CD2AP: variants seen among roughly 807,000 people sequenced by gnomAD.
The protein encoded by CD2AP is CD2 associated protein.
CD2AP carries 46 observed loss-of-function variants against 85.1 expected under a neutral mutation model. That is an observed-to-expected ratio of 0.54 (90% confidence interval 0.43 to 0.69). The LOEUF (loss-of-function observed/expected upper bound fraction) is 0.69. CD2AP is among the 30% of genes least tolerant of loss of function. The pLI, the probability that CD2AP is intolerant of heterozygous loss-of-function variation, is 0.00. For missense variants in CD2AP, 769 were observed against 729.5 expected (o/e 1.05, Z -0.62); for synonymous variants, 255 against 252.9 (o/e 1.01, Z -0.08).
At chr6:47,590,511 C>T (rs1016206986) in intron 11 of CD2AP, among the ~76,000 whole-genome samples, 10 of 152,050 alleles carry the variant, frequency 6.6e-5, no homozygotes, top group African/African-American at 2.2e-4. Flanking sequence ...ATGGGGTCCA[C>T]GTATACACAG....
chr6:47,532,271 A>T (rs1766901642), intron 2 of CD2AP, among the ~76,000 whole-genome samples: 1 of 151,252 alleles, frequency 6.6e-6, no homozygotes, highest in South Asian at 2.1e-4. Context: ...CGAGCCCAGA[A>T]GGTGGAGGCT....
chr6:47,569,743 G>A (rs942758237), intron 5 of CD2AP, among the ~76,000 whole-genome samples: 5 of 152,084 alleles, frequency 3.3e-5, no homozygotes, highest in Non-Finnish European at 5.9e-5. Context: ...TGTATACCTC[G>A]TGTGCCAAAG....
chr6:47,508,541 T>G (rs1476761432), intron 2 of CD2AP, among the ~76,000 whole-genome samples: 3 of 144,120 alleles, frequency 2.1e-5, no homozygotes, highest in East Asian at 2.0e-4. Context: ...TTTCTTTTTT[T>G]TTTTGTTTTT....
At chr6:47,615,792 A>AATTAATTAATTAATTT in intron 17 of CD2AP, among the ~76,000 whole-genome samples, 1 of 117,408 alleles carries the variant, frequency 8.5e-6, no homozygotes, top group African/African-American at 2.9e-5. Flanking sequence ...AATTTAATTT[A>AATTAATTAATTAATTT]ATTTATTTAT....
At chr6:47,566,583 C>T (rs1024086637) in intron 5 of CD2AP, among the ~76,000 whole-genome samples, 4 of 151,914 alleles carry the variant, frequency 2.6e-5, no homozygotes, top group Admixed American at 6.6e-5. Flanking sequence ...GGTTCCTGCA[C>T]CTATCGACCC....
intron 14 of CD2AP, among the ~76,000 whole-genome samples, 171 bp downstream of exon 14, chr6:47,606,448 C>G (rs1246049570): frequency 6.6e-6 from 1 of 151,906 alleles, no homozygotes; most frequent in Non-Finnish European, 1.5e-5. Context: ...TGTGTTCATT[C>G]CAACAGGGTC....
chr6:47,493,091 A>T (rs1402023991), intron 1 of CD2AP, among the ~76,000 whole-genome samples: 1 of 152,164 alleles, frequency 6.6e-6, no homozygotes, highest in Non-Finnish European at 1.5e-5. Flanking sequence ...TGTTACTATT[A>T]TGACTTTTAA....
At chr6:47,589,189 A>G (rs1768707643) in intron 11 of CD2AP, among the ~76,000 whole-genome samples, 1 of 152,022 alleles carries the variant, frequency 6.6e-6, no homozygotes, top group South Asian at 2.1e-4. Context: ...GATACGAAAT[A>G]TTGGCTGAAC....
intron 2 of CD2AP, among the ~76,000 whole-genome samples, chr6:47,520,692 A>C (rs1766565268): frequency 1.4e-5 from 2 of 146,756 alleles, no homozygotes; most frequent in East Asian, 4.0e-4. Flanking sequence ...TAGGTTCCCT[A>C]CTTGGTCATT....
chr6:47,599,163 T>A, intron 12 of CD2AP, 138 bp from the exon 13 acceptor site: 1 of 626,488 alleles, frequency 1.6e-6, no homozygotes, highest in Non-Finnish European at 2.9e-6. Context: ...GGAGAGAGTT[T>A]TGCGTTTATG....
chr6:47,611,311 A>G lies in CD2AP; in HGVS notation c.1815-1162A>G, dbSNP rs1241629863. ...AGAAAATATATTATTTTAAGAATGT[A>G]TTTGCGTGTGGCAAAATTAGAACAA... On this transcript the variant is annotated intron_variant, in intron 16 of 17. Coordinates refer to ENST00000359314, the MANE Select transcript of CD2AP (RefSeq NM_012120.3). Among the ~76,000 whole-genome samples, 4 of 151,626 alleles carry G rather than the reference A, an allele frequency of 2.6e-5. No homozygotes were observed. The East Asian group carries it at 5.8e-4, about 22-fold the overall frequency.
chr6:47,517,654 A>T (rs1452233823), intron 2 of CD2AP, among the ~76,000 whole-genome samples: 1 of 152,126 alleles, frequency 6.6e-6, no homozygotes, highest in Non-Finnish European at 1.5e-5. Context: ...ACAGGAACAG[A>T]CTAATAATAG....
At chr6:47,579,220 A>C (rs548872105) in intron 8 of CD2AP, among the ~76,000 whole-genome samples, 165 bp from the exon 9 acceptor site, 1 of 151,970 alleles carries the variant, frequency 6.6e-6, no homozygotes, top group South Asian at 2.1e-4. Context: ...CTGTGGTCCC[A>C]GCCACTTGGG....
chr6:47,559,121 T>C (rs1767776447), intron 5 of CD2AP, among the ~76,000 whole-genome samples: 1 of 152,210 alleles, frequency 6.6e-6, no homozygotes, highest in Non-Finnish European at 1.5e-5. Flanking sequence ...TAGAGGTGTT[T>C]ATAGTATTCT....
intron 2 of CD2AP, among the ~76,000 whole-genome samples, chr6:47,517,156 C>T (rs1425502472): frequency 6.6e-6 from 1 of 152,164 alleles, no homozygotes; most frequent in Non-Finnish European, 1.5e-5. Context: ...TGTTCCTGCT[C>T]TCACTATGTG....
chr6:47,486,903 G>T (rs993150634), intron 1 of CD2AP, among the ~76,000 whole-genome samples: 2 of 152,120 alleles, frequency 1.3e-5, no homozygotes, highest in African/African-American at 4.8e-5. Context: ...AGTGTTTTTG[G>T]GGGACATTTA....
intron 2 of CD2AP, among the ~76,000 whole-genome samples, chr6:47,517,096 C>G (rs1766469113): frequency 6.6e-6 from 1 of 151,996 alleles, no homozygotes; most frequent in African/African-American, 2.4e-5. Context: ...ACCCAGTTCA[C>G]TTGGGATCTG....
At chr6:47,506,971 A>T (rs1424141862) in intron 2 of CD2AP, among the ~76,000 whole-genome samples, 4 of 152,238 alleles carry the variant, frequency 2.6e-5, no homozygotes, top group Non-Finnish European at 5.9e-5. Context: ...CTCATAGTAG[A>T]TCTTTCAAAA....
chr6:47,483,633 C>T (rs1319222742), intron 1 of CD2AP, among the ~76,000 whole-genome samples: 4 of 152,154 alleles, frequency 2.6e-5, no homozygotes, highest in Non-Finnish European at 5.9e-5. Context: ...CCTGGGACTA[C>T]ATTAGTAGTC....
Sources: allele counts gnomAD v4.1 joint callset (sites outside exome capture counted in the v4.1 genomes callset), GRCh38; gene constraint gnomAD v4.1.1; transcripts MANE v1.5; gene names NCBI Gene and HGNC (gene_info 2026-07-23, HGNC 2026-07-21).